The following GFRA2 variants were observed in gnomAD, a reference collection of about 807,000 sequenced individuals.
GFRA2 encodes GDNF family receptor alpha-2.
In GFRA2, 17 loss-of-function variants were observed where a neutral mutation model predicts 48.3. The observed-to-expected ratio is 0.35, with a 90% CI of 0.24 to 0.53. The LOEUF (loss-of-function observed/expected upper bound fraction) is 0.53. Among genes scored for constraint, GFRA2 ranks in the 20% least tolerant of loss-of-function variants. GFRA2 has a pLI of 0.93. For missense variants in GFRA2, 660 were observed against 637.3 expected (o/e 1.04, Z -0.38); for synonymous variants, 305 against 257.2 (o/e 1.19, Z -1.78).
At chr8:21,747,756 C>CCACACACACACACA (rs61578379) in intron 4 of GFRA2, among the ~76,000 whole-genome samples, 2 of 139,060 alleles carry the variant, frequency 1.4e-5, no homozygotes, top group African/African-American at 2.7e-5. Flanking sequence ...CCATCTTCCA[C>CCACACACACACACA]CACACACACA....
At position 21,720,400 on chromosome 8, in the gene GFRA2, G is replaced by A. The variant is rs1177173021; in HGVS notation, c.795-14359C>T. On this transcript the variant is annotated intron_variant, in intron 4 of 8. Transcript: ENST00000524240. ...CATAAAAGGGGGCAAGGAGTTTCTG[G>A]GAAGAGTAACCGAGATTCCCAAGAA... Among the ~76,000 whole-genome samples the A allele has an allele frequency of 2.6e-5, 4 of 152,262 alleles. No individual in the cohort carries two copies. The East Asian group carries it at 7.7e-4, about 29-fold the overall frequency.
intron 3 of GFRA2, among the ~76,000 whole-genome samples, chr8:21,759,404 G>A (rs1178764438): frequency 8.3e-6 from 1 of 120,450 alleles, no homozygotes; most frequent in Non-Finnish European, 1.7e-5. Context: ...AAGAAAGGAA[G>A]AGAGAGAGGG....
intron 2 of GFRA2, among the ~76,000 whole-genome samples, chr8:21,775,482 G>A (rs1426788597): frequency 6.6e-6 from 1 of 152,230 alleles, no homozygotes; most frequent in Admixed American, 6.5e-5. Context: ...AGAGGGCTCT[G>A]AGGTGGCCCG....
At position 21,775,017 on chromosome 8, in the gene GFRA2, T is replaced by A; in HGVS notation, c.394A>T (p.Thr132Ser). 1 of 1,604,560 alleles carries A rather than the reference T, an allele frequency of 6.2e-7. No individual in the cohort carries two copies. The highest frequency in any genetic ancestry group is 2.2e-5 in the East Asian group (1 of 44,766). The change falls in exon 3 of 9, where the codon ACC (threonine) becomes TCC (serine). Residue 132 changes from threonine (T) to serine (S), a missense_variant. Transcript: ENST00000524240. ...FYEASPYEPV[T>S]SRLSDIFRLA... ...CTGAAGATGTCCGAGAGGCGGGAGG[T>A]CACCGGCTCATAGGGGGAGGCTTCG...
chr8:21,699,338 C>T (rs561697708), intron 7 of GFRA2, among the ~76,000 whole-genome samples: 3 of 152,334 alleles, frequency 2.0e-5, no homozygotes, highest in East Asian at 1.9e-4. Flanking sequence ...TGAGGGGGGC[C>T]TTGGGGCAGT....
At chr8:21,739,965 A>G (rs1459333251) in intron 4 of GFRA2, among the ~76,000 whole-genome samples, 2 of 152,204 alleles carry the variant, frequency 1.3e-5, no homozygotes, top group Non-Finnish European at 2.9e-5. Context: ...TAGCAGGAGA[A>G]GCTGAGTTGG....
chr8:21,732,456 G>A (rs1365737240), intron 4 of GFRA2, among the ~76,000 whole-genome samples: 2 of 152,222 alleles, frequency 1.3e-5, no homozygotes, highest in Non-Finnish European at 1.5e-5. Context: ...TCTGCGGAGA[G>A]GGGAGGGGGG....
intron 3 of GFRA2, among the ~76,000 whole-genome samples, chr8:21,774,664 G>C (rs1806606151): frequency 1.3e-5 from 2 of 152,210 alleles, no homozygotes. Flanking sequence ...AGGAGAGCCA[G>C]GGAACTGGAA....
chr8:21,772,499 C>T lies in GFRA2; in HGVS notation c.439+2473G>A, dbSNP rs952296595. On this transcript the variant is annotated intron_variant, in intron 3 of 8. Coordinates refer to ENST00000524240, the MANE Select transcript of GFRA2 (RefSeq NM_001495.5). ...CAGCTTGGTTTCTTGGTAGCAGGGC[C>T]GGGGCCTCCCTACTCAACTATGTGC... Among the ~76,000 whole-genome samples, 20 of 152,220 alleles carry T rather than the reference C, an allele frequency of 1.3e-4. No homozygotes were observed. In the East Asian group the frequency reaches 3.3e-3, roughly 25 times the overall value.
Position 21,788,508 on chromosome 8 carries a change from T to C in GFRA2, c.-349A>G, listed in dbSNP as rs942128290. On this transcript the variant is annotated 5_prime_UTR_variant, in exon 1 of 9. Coordinates refer to ENST00000524240, the MANE Select transcript of GFRA2 (RefSeq NM_001495.5). ...AGGCGTGAGTCCCCGCGGGTCCAATTCCCCTGCGCTTCCCAGGAGGGGCCT... is the reference window on the plus strand; with the variant it reads ...AGGCGTGAGTCCCCGCGGGTCCAATCCCCCTGCGCTTCCCAGGAGGGGCCT... The C allele has an allele frequency of 2.8e-4, 293 of 1,049,948 alleles. 1 individual carries two copies. The highest frequency in any genetic ancestry group is 3.0e-4 in the Non-Finnish European group (266 of 873,078). 65.0% of individuals were successfully genotyped at this position (1,049,948 alleles called of 1,614,324 possible). A position where few individuals can be genotyped will look rare whatever the true frequency, so the allele number is the denominator to read the frequency against.
At chr8:21,794,447 C>T (rs1339607002) in intron 2 of GFRA2, among the ~76,000 whole-genome samples, 1 of 151,928 alleles carries the variant, frequency 6.6e-6, no homozygotes, top group East Asian at 1.9e-4. Flanking sequence ...GACAAGGTTT[C>T]ACCATGTTGG....
At chr8:21,787,490 G>A (rs1470498536) in intron 1 of GFRA2, among the ~76,000 whole-genome samples, 1 of 152,188 alleles carries the variant, frequency 6.6e-6, no homozygotes, top group Non-Finnish European at 1.5e-5. Context: ...CTCGGGGCTC[G>A]GTGGGGAGAA....
In GFRA2 at chr8:21,807,857, C is replaced by A. The variant is rs557310857; in HGVS notation, c.-147-2729G>T. Among the ~76,000 whole-genome samples the A allele has an allele frequency of 2.0e-5, 3 of 152,334 alleles. No homozygotes were observed. In the East Asian group the frequency reaches 5.8e-4, roughly 29 times the overall value. ...TCCGTCTGTAACATGGACATCATAA[C>A]GCCTCTTTCTCCATCATGCCAATGC... is the stretch of plus-strand genomic sequence containing the variant. On this transcript the variant is annotated intron_variant, in intron 1 of 10. Transcript: ENST00000517328.
chr8:21,703,893 C>T (rs576943025), intron 6 of GFRA2, among the ~76,000 whole-genome samples: 9 of 152,354 alleles, frequency 5.9e-5, no homozygotes, highest in African/African-American at 1.4e-4. Flanking sequence ...CTCTGACTCC[C>T]GCTGCCTCAC....
chr8:21,783,536 TCTGA>T (rs1229334248), intron 1 of GFRA2, among the ~76,000 whole-genome samples: 2 of 152,052 alleles, frequency 1.3e-5, no homozygotes, highest in Admixed American at 6.5e-5. Context: ...GTGTACTCAC[TCTGA>T]CTCTCATTCT....
At chr8:21,787,542 C>T (rs1807343508) in intron 1 of GFRA2, among the ~76,000 whole-genome samples, 2 of 152,166 alleles carry the variant, frequency 1.3e-5, no homozygotes, top group Non-Finnish European at 2.9e-5. Context: ...CGGTTAGGGG[C>T]TCAGGGCGTG....
At chr8:21,725,558 C>T (rs1049239797) in intron 4 of GFRA2, among the ~76,000 whole-genome samples, 1 of 152,206 alleles carries the variant, frequency 6.6e-6, no homozygotes, top group African/African-American at 2.4e-5. Flanking sequence ...ACCAACCAAA[C>T]TCAAAATAAA....
At chr8:21,714,313 A>G (rs917549496) in intron 4 of GFRA2, among the ~76,000 whole-genome samples, 1 of 129,596 alleles carries the variant, frequency 7.7e-6, no homozygotes, top group African/African-American at 2.9e-5. Context: ...CAGTGGCACA[A>G]TCTTGGCTCA....
chr8:21,724,899 C>T (rs187547024), intron 4 of GFRA2, among the ~76,000 whole-genome samples: 3 of 152,272 alleles, frequency 2.0e-5, no homozygotes, highest in African/African-American at 7.2e-5. Context: ...GATGTCTTGC[C>T]TAGGCTGCAA....
Sources: gnomAD v4.1 joint callset for allele counts (sites outside exome capture counted in the v4.1 genomes callset) on GRCh38, gnomAD v4.1.1 for gene constraint, MANE v1.5 for transcripts, NCBI Gene and HGNC (gene_info 2026-07-23, HGNC 2026-07-21) for gene names.